The following MSH3 variants were observed in gnomAD, a reference collection of about 807,000 sequenced individuals.
MSH3 encodes DNA mismatch repair protein Msh3.
In MSH3, 106 loss-of-function variants were observed where a neutral mutation model predicts 123.3. The observed-to-expected ratio is 0.86, with a 90% CI of 0.73 to 1.01. The LOEUF (loss-of-function observed/expected upper bound fraction) is 1.01. Among genes scored for constraint, MSH3 ranks in the 50% least tolerant of loss-of-function variants. The pLI is 0.00. For synonymous variants in MSH3, 515 were observed against 481.4 expected, an observed-to-expected ratio of 1.07 and a Z score of -0.91; for missense variants, 1,459 against 1,347.6, an observed-to-expected ratio of 1.08 and a Z score of -1.29.
intron 8 of MSH3, among the ~76,000 whole-genome samples, chr5:80,717,675 T>C (rs1404154489): frequency 6.6e-6 from 1 of 152,244 alleles, no homozygotes; most frequent in Non-Finnish European, 1.5e-5. Flanking sequence ...CCAACACTTT[T>C]TGTCTTTGTG....
chr5:80,843,563 T>G (rs245364), intron 20 of MSH3, among the ~76,000 whole-genome samples: 106,345 of 151,354 alleles, frequency 0.7, 37,346 homozygotes, highest in South Asian at 0.8. Context: ...GGGCTATTAA[T>G]TATTGCCTCA....
intron 22 of MSH3, among the ~76,000 whole-genome samples, chr5:80,865,431 G>A (rs60083710): frequency 6.6e-6 from 1 of 152,204 alleles, no homozygotes; most frequent in East Asian, 1.9e-4. Flanking sequence ...AAAGTGGTTT[G>A]ACCATGTCAA....
At chr5:80,825,869 C>T (rs777090985) in intron 20 of MSH3, among the ~76,000 whole-genome samples, 3 of 152,066 alleles carry the variant, frequency 2.0e-5, no homozygotes, top group East Asian at 3.8e-4. Context: ...TTTTTCTCTC[C>T]ATGTGCATAC....
chr5:80,873,133 C>T lies in MSH3; in HGVS notation c.3148C>T (p.Pro1050Ser), dbSNP rs750481881. ...KLDPGAAEQV[P>S]DFVTFLYQIT... ...TTTCACAGGCGCAGCAGAACAAGTC[C>T]CTGATTTTGTCACCTTCCTTTACCA... is the stretch of plus-strand genomic sequence containing the variant. Residue 1050 changes from proline to serine, a missense_variant, in exon 23 of 24, where the codon CCT (proline) becomes TCT (serine). Coordinates refer to ENST00000265081, the MANE Select transcript of MSH3 (RefSeq NM_002439.5). 4 of 1,613,524 alleles carry T rather than the reference C, an allele frequency of 2.5e-6. No homozygotes were observed. The African/African-American group carries it at 5.3e-5, about 22-fold the overall frequency.
intron 13 of MSH3, among the ~76,000 whole-genome samples, chr5:80,764,897 A>G (rs923696771): frequency 3.9e-5 from 6 of 152,190 alleles, no homozygotes; most frequent in Non-Finnish European, 1.5e-5. Flanking sequence ...ATAAGCCCAC[A>G]GCTGCATGTT....
At chr5:80,737,635 G>A (rs1743535937) in intron 10 of MSH3, among the ~76,000 whole-genome samples, 1 of 152,058 alleles carries the variant, frequency 6.6e-6, no homozygotes, top group Admixed American at 6.6e-5. Flanking sequence ...GATACTATTG[G>A]ATACCTTAGG....
intron 2 of MSH3, among the ~76,000 whole-genome samples, 153 bp downstream of exon 2, chr5:80,656,684 G>A (rs574131436): frequency 1.4e-4 from 22 of 152,232 alleles, no homozygotes; most frequent in Non-Finnish European, 2.2e-4. Context: ...TATAGGTGAT[G>A]GTGATGTGTA....
chr5:80,792,857 T>TTTGG lies in MSH3; in HGVS notation c.2655+13_2655+14insTTGG. The TTTGG allele has an allele frequency of 2.6e-6, 4 of 1,520,998 alleles. No individual in the cohort carries two copies. Among genetic ancestry groups the TTTGG allele is most frequent in the Non-Finnish European group, 3.6e-6 (4 of 1,096,344 alleles). The allele number at this position is 1,520,998 out of a possible 1,614,324, so 94.2% of individuals were successfully genotyped here. ...TACAGATTTATCAGTAAGTACCTTATGCCAAAAAATAAGTCGATGATAACA... is the reference window on the plus strand; with the variant it reads ...TACAGATTTATCAGTAAGTACCTTATTTGGGCCAAAAAATAAGTCGATGATAACA... On this transcript the variant is annotated intron_variant, in intron 19 of 23. Coordinates refer to ENST00000265081, the MANE Select transcript of MSH3 (RefSeq NM_002439.5).
Position 80,654,743 on chromosome 5 carries a change from C to A in MSH3, c.16C>A (p.Pro6Thr). ...TTGCCCTGCCATGTCTCGCCGGAAG[C>A]CTGCGTCGGGCGGCCTCGCTGCCTC... MSRRK[P>T]ASGGLAASSS... The change falls in exon 1 of 24, where the codon CCT becomes ACT. Residue 6 changes from proline (P) to threonine (T), a missense_variant. Coordinates refer to ENST00000265081, the MANE Select transcript of MSH3 (RefSeq NM_002439.5). 6.2e-7 allele frequency: 1 copy of A among 1,602,146 alleles called. No homozygotes were observed. Among genetic ancestry groups the A allele is most frequent in the South Asian group, 1.1e-5 (1 of 90,350 alleles).
chr5:80,703,798 TAAAG>T (rs535926188), intron 8 of MSH3, among the ~76,000 whole-genome samples: 2 of 151,976 alleles, frequency 1.3e-5, no homozygotes, highest in African/African-American at 4.8e-5. Flanking sequence ...TAGAAACATA[TAAAG>T]AGTTTTTTTT....
chr5:80,683,959 G>A (rs1009623583), intron 8 of MSH3, among the ~76,000 whole-genome samples: 6 of 150,370 alleles, frequency 4.0e-5, no homozygotes, highest in Non-Finnish European at 8.9e-5. Context: ...CTCAGTGTAT[G>A]TTCTTGGCAC....
chr5:80,746,594 T>G, intron 12 of MSH3: 2 of 377,418 alleles, frequency 5.3e-6, no homozygotes, highest in South Asian at 4.2e-5. Flanking sequence ...GTTCGTTTTC[T>G]TTGTTCGCAT....
intron 8 of MSH3, among the ~76,000 whole-genome samples, chr5:80,687,254 T>G (rs1580561618): frequency 6.6e-6 from 1 of 152,182 alleles, no homozygotes; most frequent in Non-Finnish European, 1.5e-5. Flanking sequence ...GTTGTAAAAA[T>G]GTAGAGAAAG....
intron 20 of MSH3, among the ~76,000 whole-genome samples, chr5:80,845,747 T>C (rs1456540191): frequency 6.6e-6 from 1 of 152,202 alleles, no homozygotes; most frequent in African/African-American, 2.4e-5. Context: ...GGTTTTCAGC[T>C]CCATCAGGTC....
intron 12 of MSH3, chr5:80,746,361 C>T (rs924427629): frequency 2.0e-5 from 8 of 391,184 alleles, no homozygotes; most frequent in South Asian, 1.4e-4. Context: ...ACCGCTGGTT[C>T]GCTTGGCATA....
Position 80,672,757 on chromosome 5 carries a change from A to C in MSH3, c.926A>C (p.Gln309Pro). 6.2e-7 allele frequency: 1 copy of C among 1,614,048 alleles called. No homozygotes were observed. The highest frequency in any genetic ancestry group is 8.5e-7 in the Non-Finnish European group (1 of 1,179,904). ...AKGYKVGVVK[Q>P]TETAALKAIG... is the part of the protein sequence containing the mutation. ...TTGTTGAAGGTGGGAGTTGTGAAGC[A>C]AACTGAAACTGCAGCATTAAAGGCC... Residue 309 changes from glutamine (Q) to proline (P), a missense_variant, in exon 6 of 24, where the codon CAA (glutamine) becomes CCA (proline). Physicochemically the swap from Gln to Pro is moderately conservative, Grantham distance 76 (BLOSUM62 -1). Coordinates refer to ENST00000265081, the MANE Select transcript of MSH3 (RefSeq NM_002439.5).
intron 9 of MSH3, 104 bp from the exon 10 acceptor site, chr5:80,728,747 T>C (rs776027686): frequency 5.8e-5 from 38 of 656,308 alleles, no homozygotes; most frequent in Non-Finnish European, 1.0e-4. Context: ...ACTTAAAATT[T>C]GTGTTTAATA....
At chr5:80,758,861 T>C (rs924202785) in intron 12 of MSH3, among the ~76,000 whole-genome samples, 1 of 152,192 alleles carries the variant, frequency 6.6e-6, no homozygotes, top group African/African-American at 2.4e-5. Context: ...GGCTGTCTTA[T>C]ATGTTCACAG....
At chr5:80,739,490 T>C (rs373314454) in intron 10 of MSH3, among the ~76,000 whole-genome samples, 1 of 152,240 alleles carries the variant, frequency 6.6e-6, no homozygotes. Context: ...CTCTACTGTC[T>C]GCTAAGCTGT....
Sources: allele counts gnomAD v4.1 joint callset (sites outside exome capture counted in the v4.1 genomes callset), GRCh38; gene constraint gnomAD v4.1.1; transcripts MANE v1.5; gene names NCBI Gene and HGNC (gene_info 2026-07-23, HGNC 2026-07-21).